The following KCNH6 variants were observed in gnomAD, a reference collection of about 807,000 sequenced individuals.
The protein encoded by KCNH6 is voltage-gated inwardly rectifying potassium channel KCNH6.
A neutral mutation model predicts 83.4 loss-of-function variants in KCNH6; 81 were observed. The ratio of observed to expected loss-of-function variants is 0.97; its 90% CI spans 0.81 to 1.17. The LOEUF (loss-of-function observed/expected upper bound fraction) is 1.17. Ranked by LOEUF, KCNH6 falls within the 50% of genes most tolerant of loss-of-function variation. The pLI is 0.00. For synonymous variants in KCNH6, 503 were observed against 545.6 expected (o/e 0.92, Z 1.09); for missense variants, 1,203 against 1,290.5 (o/e 0.93, Z 1.04).
In KCNH6 at chr17:63,546,033, G is replaced by C. The variant is rs952932856; in HGVS notation, c.*131G>C. ...TTGGGAGGCCGAGGCGGGCGGATCA[G>C]ACCATCCTGGCTAACACGGTGAAAC... On this transcript the variant is annotated 3_prime_UTR_variant, in exon 13 of 13. Transcript: ENST00000314672. 4.2e-5 allele frequency: 32 copies of C among 759,750 alleles called. No homozygotes were observed. The highest frequency in any genetic ancestry group is 6.3e-5 in the Non-Finnish European group (30 of 475,258). 47.1% of individuals were successfully genotyped at this position (759,750 alleles called of 1,614,324 possible). A position where few individuals can be genotyped will look rare whatever the true frequency, so the allele number is the denominator to read the frequency against.
chr17:63,543,886 T>G, intron 10 of KCNH6: 1 of 644,300 alleles, frequency 1.6e-6, no homozygotes, highest in Non-Finnish European at 2.7e-6. Flanking sequence ...GTGGTTCAAA[T>G]GCAACCCCCA....
Position 63,533,326 on chromosome 17 carries a change from C to T in KCNH6, c.676-560C>T, listed in dbSNP as rs1037020143. 5.3e-5 allele frequency among the ~76,000 whole-genome samples: 8 copies of T among 152,226 alleles called. No homozygotes were observed. The highest frequency in any genetic ancestry group is 1.5e-5 in the Non-Finnish European group (1 of 67,990). On this transcript the variant is annotated intron_variant, in intron 4 of 12. Transcript: ENST00000314672. The surrounding 1 kb of genome is among the most constrained non-coding windows in gnomAD (Gnocchi z 4.1). ...CCGTTGAGGGTCCAGGTTGGCTACA[C>T]CCCTACCCCATGGACTCTTTCCATG...
At chr17:63,546,929 G>A (rs1030072258), downstream of KCNH6, among the ~76,000 whole-genome samples, 10 of 152,180 alleles carry the variant, frequency 6.6e-5, no homozygotes, top group Admixed American at 2.0e-4. Context: ...CACTGGCTTG[G>A]TGGCCCTAGG....
chr17:63,524,026 C>G (rs1385298807), intron 1 of KCNH6, 113 bp from the exon 2 acceptor site: 6 of 770,590 alleles, frequency 7.8e-6, no homozygotes, highest in Non-Finnish European at 9.2e-6. Context: ...GGTCACTGCC[C>G]TGCTCCTCTG....
chr17:63,538,615 G>T lies in KCNH6; in HGVS notation c.1907G>T (p.Arg636Leu), dbSNP rs780159120. The change falls in exon 8 of 13, where the codon CGA becomes CTA. Residue 636 changes from arginine to leucine, a missense_variant. Physicochemically the swap from Arg to Leu is moderately radical, Grantham distance 102. Coordinates refer to ENST00000314672, the MANE Select transcript of KCNH6 (RefSeq NM_001278919.2). This position sits in a 1 kb window ranked among gnomAD's most constrained non-coding sequence, Gnocchi z 4.0. ...DVLSTLYFIS[R>L]GSIEILRDDV... is the part of the protein sequence containing the mutation. ...CTCTCCACCCTCTACTTCATCTCCC[G>T]AGGCTCCATCGAGATCCTGCGCGAC... 5 of 1,609,666 alleles carry T rather than the reference G, an allele frequency of 3.1e-6. No individual in the cohort carries two copies. The South Asian group carries it at 3.3e-5, about 11-fold the overall frequency.
chr17:63,524,673 G>A (rs1024734618), intron 2 of KCNH6, among the ~76,000 whole-genome samples: 16 of 152,270 alleles, frequency 1.1e-4, no homozygotes, highest in South Asian at 1.0e-3. Flanking sequence ...CAGCCCCAGC[G>A]GTCAGGCAGC....
At chr17:63,528,030 CTG>C in intron 2 of KCNH6, among the ~76,000 whole-genome samples, 1 of 152,356 alleles carries the variant, frequency 6.6e-6, no homozygotes, top group South Asian at 2.1e-4. Flanking sequence ...CACGCCAAGA[CTG>C]TGTATTGACA....
At chr17:63,541,340 G>A (rs959496423) in intron 8 of KCNH6, among the ~76,000 whole-genome samples, 4 of 146,798 alleles carry the variant, frequency 2.7e-5, no homozygotes, top group Admixed American at 6.9e-5. Context: ...CCAGGCTGGA[G>A]TACAGTGGTG....
Position 63,538,683 on chromosome 17 carries a change from C to A in KCNH6, c.1954+21C>A. 6.4e-7 allele frequency: 1 copy of A among 1,557,764 alleles called. No homozygotes were observed. The highest frequency in any genetic ancestry group is 1.2e-5 in the South Asian group (1 of 83,260). On this transcript the variant is annotated intron_variant, in intron 8 of 12. Coordinates refer to ENST00000314672, the MANE Select transcript of KCNH6 (RefSeq NM_001278919.2). The surrounding 1 kb of genome is among the most constrained non-coding windows in gnomAD (Gnocchi z 4.0). ...CCTAGGTGGGTCCGGCGGAGTGGAC[C>A]AGGCCTGTGTTGGGGATTGGATGGA...
chr17:63,541,286 C>CTT lies in KCNH6; in HGVS notation c.1955-936_1955-935dup, dbSNP rs58311051. 3.6e-3 allele frequency among the ~76,000 whole-genome samples: 397 copies of CTT among 108,820 alleles called. 11 individuals are homozygous for CTT. Among genetic ancestry groups the CTT allele is most frequent in the Admixed American group, 7.0e-3 (68 of 9,666 alleles). 71.4% of individuals were successfully genotyped at this position (108,820 alleles called of 152,430 possible). ...CATGGACCTAGTCAGGTGCCTCTTG[C>CTT]TTTTTTTTTTTTTTTTTTTTGAGAT... is the stretch of plus-strand genomic sequence containing the variant. On this transcript the variant is annotated intron_variant, in intron 8 of 12. Coordinates refer to ENST00000314672, the MANE Select transcript of KCNH6 (RefSeq NM_001278919.2).
rs530732676 is a variant in KCNH6 at position 63,532,762 on chromosome 17, T to A, written c.676-1124T>A. On this transcript the variant is annotated intron_variant, in intron 4 of 12. Coordinates refer to ENST00000314672, the MANE Select transcript of KCNH6 (RefSeq NM_001278919.2). Reference sequence around the variant, plus strand: ...AATCAGAACTATCCACCAGATCTCATCTGGTGGGAGAGGAGGTCCATGGAA... The same window carrying A: ...AATCAGAACTATCCACCAGATCTCAACTGGTGGGAGAGGAGGTCCATGGAA... 1.9e-4 allele frequency among the ~76,000 whole-genome samples: 29 copies of A among 152,234 alleles called. No individual in the cohort carries two copies. In the East Asian group the frequency reaches 5.0e-3, roughly 26 times the overall value.
At chr17:63,527,484 G>A (rs150376284) in intron 2 of KCNH6, among the ~76,000 whole-genome samples, 3,332 of 152,230 alleles carry the variant, frequency 0.022, 51 homozygotes, top group Middle Eastern at 0.048. Context: ...AGAGAATTGG[G>A]GTCTCCCAGG....
rs1328776973 is a variant in KCNH6, at chr17:63,538,116, T to A, written c.1553T>A (p.Leu518Gln). The change falls in exon 7 of 13, where the codon CTG becomes CAG. Residue 518 changes from leucine (L) to glutamine (Q), a missense_variant. Transcript: ENST00000314672. The surrounding 1 kb of genome is among the most constrained non-coding windows in gnomAD (Gnocchi z 4.0). ...AACGTGTCCGCGATCATCCAGCGCC[T>A]GTACTCGGGCACCGCGCGCTACCAC... ...FGNVSAIIQR[L>Q]YSGTARYHTQ... The A allele has an allele frequency of 1.9e-6, 3 of 1,614,068 alleles. No homozygotes were observed. The highest frequency in any genetic ancestry group is 2.2e-5 in the South Asian group (2 of 91,084).
At chr17:63,543,946 AG>A (rs2033011708) in intron 10 of KCNH6, 7 of 883,926 alleles carry the variant, frequency 7.9e-6, no homozygotes, top group Non-Finnish European at 1.2e-5. Context: ...CCAAGGCATC[AG>A]GGGGGCCACT....
In KCNH6 at chr17:63,533,896, T is replaced by G; in HGVS notation, c.686T>G (p.Leu229Arg). 1 of 1,612,784 alleles carries G rather than the reference T, an allele frequency of 6.2e-7. No individual in the cohort carries two copies. The highest frequency in any genetic ancestry group is 8.5e-7 in the Non-Finnish European group (1 of 1,179,366). The change falls in exon 5 of 13, where the codon CTG becomes CGG. Residue 229 changes from leucine (L) to arginine (R), a missense_variant. Physicochemically the swap from Leu to Arg is moderately radical, Grantham distance 102. Coordinates refer to ENST00000314672, the MANE Select transcript of KCNH6 (RefSeq NM_001278919.2). This position sits in a 1 kb window ranked among gnomAD's most constrained non-coding sequence, Gnocchi z 4.1. ...GGCCCCCACCCCCAGGTCCTGTCCCTGGGCGCGGATGTGCTGCCGGAGTAC... is the reference window on the plus strand; with the variant it reads ...GGCCCCCACCCCCAGGTCCTGTCCCGGGGCGCGGATGTGCTGCCGGAGTAC... ...VTEKVTQVLS[L>R]GADVLPEYKL...
At chr17:63,542,220 T>G in intron 8 of KCNH6, 21 bp from the exon 9 acceptor site, 1 of 1,611,844 alleles carries the variant, frequency 6.2e-7, no homozygotes, top group Non-Finnish European at 8.5e-7. Flanking sequence ...CTGAAGAGAC[T>G]CCCACCCCTC....
chr17:63,531,621 G>A (rs182556517), intron 4 of KCNH6, among the ~76,000 whole-genome samples: 19 of 152,408 alleles, frequency 1.2e-4, no homozygotes, highest in African/African-American at 4.1e-4. Flanking sequence ...ATCCTGAGGA[G>A]GGTGGGACGC....
At chr17:63,544,906 A>G (rs1270437302) in intron 11 of KCNH6, among the ~76,000 whole-genome samples, 172 bp from the exon 12 acceptor site, 1 of 152,078 alleles carries the variant, frequency 6.6e-6, no homozygotes, top group Non-Finnish European at 1.5e-5. Context: ...TCAGGGGTGT[A>G]CCAGGGGGAT....
chr17:63,536,266 T>C lies in KCNH6; in HGVS notation c.1501+198T>C. The C allele has an allele frequency of 8.4e-6, 5 of 592,238 alleles. No homozygotes were observed. The South Asian group carries it at 1.1e-4, about 13-fold the overall frequency. The allele number at this position is 592,238 out of a possible 1,614,324, so 36.7% of individuals were successfully genotyped here. ...CAATATTTAACACCCACACAGCCCA[T>C]GCTATCTGCCAGGCACCAAGACAGG... On this transcript the variant is annotated intron_variant, in intron 6 of 12. Coordinates refer to ENST00000314672, the MANE Select transcript of KCNH6 (RefSeq NM_001278919.2).
Sources: allele counts gnomAD v4.1 joint callset (sites outside exome capture counted in the v4.1 genomes callset), GRCh38; gene constraint gnomAD v4.1.1; non-coding constraint Gnocchi (gnomAD v3.1); transcripts MANE v1.5; gene names NCBI Gene and HGNC (gene_info 2026-07-23, HGNC 2026-07-21).